CDYL: variants seen among roughly 807,000 people sequenced by gnomAD.
CDYL encodes the protein chromodomain Y like.
CDYL carries 8 observed loss-of-function variants against 47.3 expected under a neutral mutation model. That is an observed-to-expected ratio of 0.17 (90% CI 0.10 to 0.31). The LOEUF (loss-of-function observed/expected upper bound fraction) is 0.31, where lower values mean the gene tolerates loss of function less well. Among genes scored for constraint, CDYL ranks in the 10% least tolerant of loss-of-function variants. The pLI, the probability that CDYL is intolerant of heterozygous loss-of-function variation, is 1.00. For missense variants in CDYL, 471 were observed against 701.4 expected (o/e 0.67, Z 3.71); for synonymous variants, 266 against 265.0 (o/e 1.00, Z -0.04).
At chr6:4,733,669 T>C (rs573318611) in intron 2 of CDYL, among the ~76,000 whole-genome samples, 92 of 152,272 alleles carry the variant, frequency 6.0e-4, no homozygotes, top group Non-Finnish European at 3.1e-4. Flanking sequence ...ATCTCAGGTA[T>C]GAAAATTTCA....
intron 1 of CDYL, among the ~76,000 whole-genome samples, chr6:4,812,845 TGTC>T (rs1460855687): frequency 6.6e-6 from 1 of 152,208 alleles, no homozygotes; most frequent in Non-Finnish European, 1.5e-5. Context: ...CCAATTTACT[TGTC>T]TTCTTCTGTC....
intron 2 of CDYL, among the ~76,000 whole-genome samples, chr6:4,915,706 A>G (rs1757537786): frequency 1.3e-5 from 2 of 152,210 alleles, no homozygotes; most frequent in Admixed American, 6.5e-5. Context: ...ATAACTTGAC[A>G]TATTCTGCAA....
intron 1 of CDYL, among the ~76,000 whole-genome samples, chr6:4,859,359 G>A (rs1271890878): frequency 2.6e-5 from 4 of 151,952 alleles, no homozygotes; most frequent in African/African-American, 7.3e-5. Context: ...TGTGTAGGTA[G>A]GTCAGCTGCC....
chr6:4,730,852 C>G (rs138126049), intron 2 of CDYL, among the ~76,000 whole-genome samples: 1 of 152,156 alleles, frequency 6.6e-6, no homozygotes, highest in Non-Finnish European at 1.5e-5. Flanking sequence ...CTCACCACCC[C>G]GTTCTGGTGA....
intron 1 of CDYL, among the ~76,000 whole-genome samples, chr6:4,886,564 C>G (rs552472816): frequency 6.6e-6 from 1 of 152,214 alleles, no homozygotes; most frequent in East Asian, 1.9e-4. Flanking sequence ...CATTGTTAAA[C>G]TGGGTTGTCT....
chr6:4,765,943 A>G (rs903626955), intron 3 of CDYL, among the ~76,000 whole-genome samples: 37 of 152,210 alleles, frequency 2.4e-4, no homozygotes, highest in African/African-American at 8.4e-4. Flanking sequence ...GTAATTAAAT[A>G]GAGTAGACAT....
intron 4 of CDYL, among the ~76,000 whole-genome samples, chr6:4,942,983 T>C (rs772986908): frequency 1.4e-4 from 21 of 152,190 alleles, no homozygotes; most frequent in Non-Finnish European, 2.6e-4. Context: ...TCAGTCCACT[T>C]CCACATAAAC....
intron 1 of CDYL, among the ~76,000 whole-genome samples, chr6:4,885,088 G>A (rs1030500218): frequency 2.0e-5 from 3 of 151,962 alleles, no homozygotes; most frequent in African/African-American, 7.2e-5. Flanking sequence ...AGACCTCCTT[G>A]GCTCAAGTAA....
intron 1 of CDYL, among the ~76,000 whole-genome samples, chr6:4,780,170 G>T (rs1481462696): frequency 1.3e-5 from 2 of 151,930 alleles, no homozygotes; most frequent in South Asian, 2.1e-4. Flanking sequence ...CCCAGCTCTA[G>T]ACTTAGAGCT....
chr6:4,878,200 A>C (rs1386498045), intron 1 of CDYL, among the ~76,000 whole-genome samples: 1 of 152,152 alleles, frequency 6.6e-6, no homozygotes, highest in Non-Finnish European at 1.5e-5. Flanking sequence ...ATATTGGTCC[A>C]TAATTTACTG....
At chr6:4,731,604 G>A (rs1037989067) in intron 2 of CDYL, among the ~76,000 whole-genome samples, 14 of 151,942 alleles carry the variant, frequency 9.2e-5, no homozygotes, top group South Asian at 2.1e-4. Flanking sequence ...CGAGACCAGC[G>A]CCTGGCCAAC....
rs1757730269 is a variant in CDYL, at chr6:4,737,847, C to T, written c.186+3003C>T. 2.6e-5 allele frequency among the ~76,000 whole-genome samples: 4 copies of T among 151,844 alleles called. No individual in the cohort carries two copies. In the South Asian group the frequency reaches 8.3e-4, roughly 32 times the overall value. ...CTGGAAATGGTTTCTTAAATAAGAC[C>T]CAAAACGGACAAATGTTTAAAAACG... On this transcript the variant is annotated intron_variant, in intron 3 of 8. Coordinates refer to the CDYL transcript ENST00000328908.
chr6:4,788,311 A>G lies in CDYL; in HGVS notation c.24+11504A>G, dbSNP rs138688178. Among the ~76,000 whole-genome samples, 477 of 151,846 alleles carry G rather than the reference A, an allele frequency of 3.1e-3. 1 individual carries two copies. The highest frequency in any genetic ancestry group is 0.011 in the African/African-American group (453 of 41,428). On this transcript the variant is annotated intron_variant, in intron 1 of 6. Transcript: ENST00000397588. ...TCAAGACCAGCCTGGCCAATATGGTAAAACCGCGTTTCTGCTAAACAAAAA... is the reference window on the plus strand; with the variant it reads ...TCAAGACCAGCCTGGCCAATATGGTGAAACCGCGTTTCTGCTAAACAAAAA...
intron 1 of CDYL, among the ~76,000 whole-genome samples, chr6:4,709,574 CA>C: frequency 6.6e-6 from 1 of 152,288 alleles, no homozygotes; most frequent in Non-Finnish European, 1.5e-5. Context: ...CCTCCCCTGC[CA>C]AAAACCTCCC....
At chr6:4,816,766 G>A (rs1273241371) in intron 1 of CDYL, among the ~76,000 whole-genome samples, 1 of 152,140 alleles carries the variant, frequency 6.6e-6, no homozygotes, top group African/African-American at 2.4e-5. Flanking sequence ...TGGGATTACA[G>A]GCATGAGCCA....
chr6:4,785,503 A>G (rs1340108166), intron 1 of CDYL, among the ~76,000 whole-genome samples: 1 of 152,220 alleles, frequency 6.6e-6, no homozygotes, highest in Non-Finnish European at 1.5e-5. Context: ...GTTAAAATGT[A>G]TCCGTTTTTC....
intron 1 of CDYL, among the ~76,000 whole-genome samples, chr6:4,823,893 C>T (rs569269885): frequency 2.6e-5 from 4 of 152,324 alleles, no homozygotes; most frequent in South Asian, 2.1e-4. Context: ...ACTCCCCATT[C>T]GCTTCCCCCA....
At chr6:4,756,656 A>G (rs1194335720) in intron 3 of CDYL, among the ~76,000 whole-genome samples, 2 of 151,902 alleles carry the variant, frequency 1.3e-5, no homozygotes, top group South Asian at 2.1e-4. Flanking sequence ...CCTAGAGGGC[A>G]AAATGAATTA....
intron 1 of CDYL, among the ~76,000 whole-genome samples, chr6:4,802,488 A>G (rs1252058366): frequency 2.0e-5 from 3 of 152,274 alleles, no homozygotes; most frequent in Non-Finnish European, 2.9e-5. Context: ...GCAATGAGCT[A>G]TGATTGCACC....
Sources: gnomAD v4.1 joint callset for allele counts (sites outside exome capture counted in the v4.1 genomes callset) on GRCh38, gnomAD v4.1.1 for gene constraint, MANE v1.5 for transcripts, NCBI Gene and HGNC (gene_info 2026-07-23, HGNC 2026-07-21) for gene names.